Variants in PIEZO2 observed in about 807,000 individuals in gnomAD.
PIEZO2 encodes piezo-type mechanosensitive ion channel component 2.
Under a neutral mutation model 337.3 loss-of-function variants are expected in PIEZO2, and 172 were observed. The ratio of observed to expected loss-of-function variants is 0.51; its 90% CI spans 0.45 to 0.58. The LOEUF (loss-of-function observed/expected upper bound fraction) is 0.58. Among genes scored for constraint, PIEZO2 ranks in the 20% least tolerant of loss-of-function variants. The pLI is 0.00. For synonymous variants in PIEZO2, 1,251 were observed against 1,228.5 expected, an observed-to-expected ratio of 1.02 and a Z score of -0.38; for missense variants, 3,028 against 3,391.3, an observed-to-expected ratio of 0.89 and a Z score of 2.66.
chr18:10,983,210 T>A (rs985929595), intron 2 of PIEZO2, among the ~76,000 whole-genome samples: 1 of 151,648 alleles, frequency 6.6e-6, no homozygotes, highest in Admixed American at 6.6e-5. Context: ...GAATAGGAGG[T>A]TTTGGCTCTC....
At chr18:11,055,730 TC>T (rs2037708160) in intron 2 of PIEZO2, among the ~76,000 whole-genome samples, 2 of 152,088 alleles carry the variant, frequency 1.3e-5, no homozygotes, top group South Asian at 4.1e-4. Context: ...GTGGGGGAAA[TC>T]TTGACCAAAA....
At chr18:10,887,509 G>A (rs1158822039) in intron 4 of PIEZO2, among the ~76,000 whole-genome samples, 1 of 152,020 alleles carries the variant, frequency 6.6e-6, no homozygotes, top group Non-Finnish European at 1.5e-5. Flanking sequence ...AATTCAACAT[G>A]AGATTTGGGT....
rs916968258 is a variant in PIEZO2, at chr18:11,092,189, C to T, written c.65-25967G>A. The stretch of plus-strand genomic sequence containing the variant: ...CATAATTCTCGTCCAAGATCGAGAA[C>T]ACATCATTAGAAGCACTATTTACAA... On this transcript the variant is annotated intron_variant, in intron 1 of 55. Coordinates refer to ENST00000674853, the MANE Select transcript of PIEZO2 (RefSeq NM_001378183.1). This position sits in a 1 kb window ranked among gnomAD's most constrained non-coding sequence, Gnocchi z 4.5. Among the ~76,000 whole-genome samples the T allele has an allele frequency of 1.3e-5, 2 of 152,120 alleles. No homozygotes were observed. The highest frequency in any genetic ancestry group is 4.8e-5 in the African/African-American group (2 of 41,414).
chr18:10,874,745 T>C (rs578199880), intron 4 of PIEZO2, among the ~76,000 whole-genome samples: 8 of 152,138 alleles, frequency 5.3e-5, no homozygotes, highest in Non-Finnish European at 1.2e-4. Flanking sequence ...CATTCATATG[T>C]CTGAGCTAAA....
intron 3 of PIEZO2, among the ~76,000 whole-genome samples, chr18:10,918,778 A>G (rs1293253976): frequency 6.6e-6 from 1 of 152,068 alleles, no homozygotes; most frequent in African/African-American, 2.4e-5. Context: ...CTCAATGTCT[A>G]TAAATATAGC....
chr18:11,085,362 C>G (rs1272216389), intron 1 of PIEZO2, among the ~76,000 whole-genome samples: 2 of 152,144 alleles, frequency 1.3e-5, no homozygotes. Flanking sequence ...AGACTCCAGT[C>G]ACCTGCTTGC....
intron 4 of PIEZO2, among the ~76,000 whole-genome samples, chr18:10,900,993 G>GA (rs2043032300): frequency 6.6e-6 from 1 of 152,128 alleles, no homozygotes; most frequent in Non-Finnish European, 1.5e-5. Flanking sequence ...TTTTTCAAAT[G>GA]AAAGAAAAGA....
chr18:10,699,361 C>T (rs914484221), intron 43 of PIEZO2, among the ~76,000 whole-genome samples, 184 bp from the exon 44 acceptor site: 6 of 152,132 alleles, frequency 3.9e-5, no homozygotes, highest in African/African-American at 7.2e-5. Flanking sequence ...CCCGGTGGGA[C>T]GTAATTGAGT....
intron 3 of PIEZO2, among the ~76,000 whole-genome samples, chr18:10,920,950 G>A (rs2031347592): frequency 6.6e-6 from 1 of 152,128 alleles, no homozygotes; most frequent in African/African-American, 2.4e-5. Context: ...CTGTTCAGGA[G>A]GCCAAGGCAG....
chr18:11,141,566 G>A (rs1047274296), intron 1 of PIEZO2, among the ~76,000 whole-genome samples: 7 of 151,650 alleles, frequency 4.6e-5, no homozygotes, highest in African/African-American at 1.4e-4. Context: ...ACTTAGAAGC[G>A]TGCCCTTGAA....
chr18:10,725,866 C>T (rs1201911024), intron 36 of PIEZO2, among the ~76,000 whole-genome samples: 1 of 152,160 alleles, frequency 6.6e-6, no homozygotes, highest in Non-Finnish European at 1.5e-5. Context: ...TGAGGACACA[C>T]GGCGCCTGGT....
At position 10,748,401 on chromosome 18, in the gene PIEZO2, A is replaced by G; in HGVS notation, c.4424+70T>C. ...GGGTTCTAGAAGCAAGCTCAGACAG[A>G]AATGATAGTGCAATATTATTTCAGG... On this transcript the variant is annotated intron_variant, in intron 30 of 55. Coordinates refer to ENST00000674853, the MANE Select transcript of PIEZO2 (RefSeq NM_001378183.1). This position sits in a 1 kb window ranked among gnomAD's most constrained non-coding sequence, Gnocchi z 5.1. The G allele has an allele frequency of 7.0e-7, 1 of 1,434,706 alleles. No individual in the cohort carries two copies. The highest frequency in any genetic ancestry group is 9.4e-7 in the Non-Finnish European group (1 of 1,063,352). 88.9% of individuals were successfully genotyped at this position (1,434,706 alleles called of 1,614,324 possible).
At chr18:11,093,814 A>C (rs2039176702) in intron 1 of PIEZO2, among the ~76,000 whole-genome samples, 1 of 152,098 alleles carries the variant, frequency 6.6e-6, no homozygotes, top group South Asian at 2.1e-4. Flanking sequence ...CTAAATCATG[A>C]AGGTAAGTAA....
Position 10,992,690 on chromosome 18 carries a change from A to T in PIEZO2, c.161-13030T>A, listed in dbSNP as rs889518890. Among the ~76,000 whole-genome samples, 4 of 152,210 alleles carry T rather than the reference A, an allele frequency of 2.6e-5. No individual in the cohort carries two copies. The East Asian group carries it at 7.7e-4, about 29-fold the overall frequency. On this transcript the variant is annotated intron_variant, in intron 2 of 55. Coordinates refer to ENST00000674853, the MANE Select transcript of PIEZO2 (RefSeq NM_001378183.1). ...GCCTCCAGCTTTGTTCTTTTTGCTT[A>T]GGATTGCCTTGGCTATGCAGGCTCT...
intron 1 of PIEZO2, among the ~76,000 whole-genome samples, chr18:11,144,441 T>C (rs2040754723): frequency 1.3e-5 from 2 of 152,058 alleles, no homozygotes; most frequent in Non-Finnish European, 2.9e-5. Context: ...GCCACCGCAA[T>C]AGGGGAGGCC....
intron 13 of PIEZO2, among the ~76,000 whole-genome samples, chr18:10,792,420 G>A (rs148906544): frequency 2.0e-5 from 3 of 152,136 alleles, no homozygotes; most frequent in South Asian, 2.1e-4. Flanking sequence ...GAAGCCCCAC[G>A]ACAGTTGCTT....
chr18:11,020,144 A>G (rs567547116), intron 2 of PIEZO2, among the ~76,000 whole-genome samples: 43 of 152,310 alleles, frequency 2.8e-4, no homozygotes, highest in Admixed American at 7.2e-4. Flanking sequence ...TAGTCACACA[A>G]TTCTTTCCTC....
chr18:10,864,423 G>A lies in PIEZO2; in HGVS notation c.492+6830C>T, dbSNP rs371963561. Among the ~76,000 whole-genome samples, 80 of 152,114 alleles carry A rather than the reference G, an allele frequency of 5.3e-4. No individual in the cohort carries two copies. The South Asian group carries it at 0.014, about 27-fold the overall frequency. On this transcript the variant is annotated intron_variant, in intron 5 of 55. Coordinates refer to ENST00000674853, the MANE Select transcript of PIEZO2 (RefSeq NM_001378183.1). ...ATATAAGGTCCTAAGGACATTGAGA[G>A]AAAAAAGAGATTACGTCTGACTAAA...
chr18:10,805,211 T>C (rs2039960312), intron 8 of PIEZO2, among the ~76,000 whole-genome samples: 4 of 152,172 alleles, frequency 2.6e-5, no homozygotes, highest in Admixed American at 2.6e-4. Flanking sequence ...CCATAATGTA[T>C]AAGAGTTTGT....
Sources: gnomAD v4.1 joint callset for allele counts (sites outside exome capture counted in the v4.1 genomes callset) on GRCh38, gnomAD v4.1.1 for gene constraint, Gnocchi (gnomAD v3.1) non-coding constraint, MANE v1.5 for transcripts, NCBI Gene and HGNC (gene_info 2026-07-23, HGNC 2026-07-21) for gene names.